TRAF5: variants seen among roughly 807,000 people sequenced by gnomAD.
TRAF5 encodes the protein TNF receptor associated factor 5.
Under a neutral mutation model 64.5 loss-of-function variants are expected in TRAF5, and 48 were observed. The observed-to-expected ratio is 0.74, with a 90% CI of 0.59 to 0.95. The LOEUF (loss-of-function observed/expected upper bound fraction) is 0.95, where lower values mean the gene tolerates loss of function less well. TRAF5 is among the 40% of genes least tolerant of loss of function. TRAF5 has a pLI of 0.00. For synonymous variants in TRAF5, 206 were observed against 240.5 expected (o/e 0.86, Z 1.33); for missense variants, 545 against 662.8 (o/e 0.82, Z 1.95).
chr1:211,371,615 G>A (rs1703525390), intron 10 of TRAF5, 145 bp downstream of exon 10: 1 of 921,782 alleles, frequency 1.1e-6, no homozygotes, highest in African/African-American at 1.8e-5. Flanking sequence ...AGAATGGTAA[G>A]ATTCTGGCCA....
At chr1:211,371,577 C>A in intron 10 of TRAF5, 107 bp downstream of exon 10, 1 of 1,143,742 alleles carries the variant, frequency 8.7e-7, no homozygotes, top group Non-Finnish European at 1.2e-6. Flanking sequence ...CCAGGATAAA[C>A]AATGGCTGAA....
intron 5 of TRAF5, chr1:211,360,345 C>G: frequency 2.0e-6 from 1 of 503,776 alleles, no homozygotes; most frequent in Non-Finnish European, 3.5e-6. Context: ...AAGGAGGTGA[C>G]AATAATGTCT....
At chr1:211,333,000 T>TAACA (rs1172487290) in intron 1 of TRAF5, among the ~76,000 whole-genome samples, 1 of 152,226 alleles carries the variant, frequency 6.6e-6, no homozygotes, top group Non-Finnish European at 1.5e-5. Flanking sequence ...TCTTTGATAC[T>TAACA]AACAGTTCCC....
rs772796027 is a variant in TRAF5 at position 211,372,333 on chromosome 1, C to G, written c.1305C>G (p.Thr435=). 6.2e-7 allele frequency: 1 copy of G among 1,614,106 alleles called. No individual in the cohort carries two copies. The highest frequency in any genetic ancestry group is 8.5e-7 in the Non-Finnish European group (1 of 1,180,026). Residue 435 remains threonine, a synonymous_variant, in exon 11 of 11, where the codon ACC becomes ACG. Coordinates refer to ENST00000261464, the MANE Select transcript of TRAF5 (RefSeq NM_001033910.3). ...TVSIFSQSFY[T]SRCGYRLCAR... ...CCATCTTCAGCCAGTCCTTCTACAC[C>G]AGCCGCTGTGGCTACCGGCTCTGTG... is the stretch of plus-strand genomic sequence containing the variant.
At chr1:211,352,818 T>C (rs1342575993) in intron 1 of TRAF5, among the ~76,000 whole-genome samples, 1 of 152,222 alleles carries the variant, frequency 6.6e-6, no homozygotes, top group African/African-American at 2.4e-5. Context: ...AATATATTTG[T>C]CTGCTTCTAA....
chr1:211,348,121 G>A (rs1379277889), intron 1 of TRAF5, among the ~76,000 whole-genome samples: 7 of 152,158 alleles, frequency 4.6e-5, no homozygotes, highest in Non-Finnish European at 7.4e-5. Context: ...GCACAGAGAT[G>A]TTTCCCTGAA....
chr1:211,372,049 C>T (rs1049133346), intron 10 of TRAF5, 79 bp from the exon 11 acceptor site: 1 of 1,321,114 alleles, frequency 7.6e-7, no homozygotes, highest in Admixed American at 2.4e-5. Flanking sequence ...TTTCAGGTAA[C>T]AAAATTCCAC....
chr1:211,333,787 G>A (rs190081111), intron 1 of TRAF5, among the ~76,000 whole-genome samples: 2 of 152,284 alleles, frequency 1.3e-5, no homozygotes, highest in Admixed American at 6.5e-5. Context: ...ATAAGCCACC[G>A]TACCCGGCCT....
chr1:211,360,405 AAG>A, intron 5 of TRAF5: 1 of 490,608 alleles, frequency 2.0e-6, no homozygotes, highest in Non-Finnish European at 3.6e-6. Context: ...CAGGCATAAA[AAG>A]AAAGCATGGG....
rs960574151 is a variant in TRAF5, at chr1:211,354,614, C to T, written c.276+147C>T. The T allele has an allele frequency of 3.9e-6, 3 of 769,126 alleles. No individual in the cohort carries two copies. The African/African-American group carries it at 5.2e-5, about 13-fold the overall frequency. 47.6% of individuals were successfully genotyped at this position (769,126 alleles called of 1,614,324 possible). ...TTCTGCTGTGGGGTCACATCAGACC[C>T]TACTCGTAGCCCTGTTTGAGAGGCT... On this transcript the variant is annotated intron_variant, in intron 3 of 10. Transcript: ENST00000261464.
At chr1:211,349,024 ACT>A in intron 1 of TRAF5, among the ~76,000 whole-genome samples, 2 of 109,566 alleles carry the variant, frequency 1.8e-5, no homozygotes, top group African/African-American at 7.1e-5. Flanking sequence ...ACATAGTGAG[ACT>A]CTGTCTCTAA....
Position 211,331,872 on chromosome 1 carries a change from G to T in TRAF5, c.-2+4983G>T, listed in dbSNP as rs368383665. Reference sequence around the variant, plus strand: ...AGTAGAGATGGGGTTTCACCATGTTGGGCAGGCTGGTCTCAAACTCCTGAC... The same window carrying T: ...AGTAGAGATGGGGTTTCACCATGTTTGGCAGGCTGGTCTCAAACTCCTGAC... On this transcript the variant is annotated intron_variant, in intron 1 of 10. Transcript: ENST00000261464. 3.9e-5 allele frequency among the ~76,000 whole-genome samples: 6 copies of T among 152,182 alleles called. No individual in the cohort carries two copies. In the East Asian group the frequency reaches 9.6e-4, roughly 24 times the overall value.
At chr1:211,350,558 G>A (rs540711512) in intron 1 of TRAF5, among the ~76,000 whole-genome samples, 111 of 152,294 alleles carry the variant, frequency 7.3e-4, no homozygotes, top group African/African-American at 2.6e-3. Context: ...AAGATGAAGG[G>A]AGATAACCTA....
At position 211,369,592 on chromosome 1, in the gene TRAF5, G is replaced by A. The variant is rs1397971237; in HGVS notation, c.930G>A (p.Gln310=). 6.3e-6 allele frequency: 10 copies of A among 1,584,486 alleles called. No homozygotes were observed. Among genetic ancestry groups the A allele is most frequent in the Non-Finnish European group, 6.8e-6 (8 of 1,169,830 alleles). The part of the protein sequence containing the change: ...GKNGSFLPNI[Q]VFASHIDKSA... ...ATGGAAGCTTCCTCCCAAACATCCA[G>A]GTAAGAAATGGCCTTTGCGTTGAAA... The change falls in exon 9 of 11, where the codon CAG becomes CAA. Residue 310 remains glutamine, a splice_region_variant and synonymous_variant. Transcript: ENST00000261464.
At chr1:211,330,191 G>T (rs550980471) in intron 1 of TRAF5, among the ~76,000 whole-genome samples, 3 of 152,264 alleles carry the variant, frequency 2.0e-5, no homozygotes, top group East Asian at 3.9e-4. Context: ...ACACTGTGCA[G>T]TATCCGTGTG....
chr1:211,360,436 A>T, intron 5 of TRAF5: 1 of 509,772 alleles, frequency 2.0e-6, no homozygotes, highest in Middle Eastern at 5.2e-4. Flanking sequence ...ACATGTCCCG[A>T]AGGAGCTATG....
chr1:211,369,638 TG>T, intron 9 of TRAF5, 46 bp downstream of exon 9: 1 of 1,499,816 alleles, frequency 6.7e-7, no homozygotes, highest in Non-Finnish European at 8.9e-7. Context: ...GGCTTTCAAT[TG>T]CAGTGAGAGT....
At chr1:211,333,327 T>C (rs1235965036) in intron 1 of TRAF5, among the ~76,000 whole-genome samples, 1 of 151,682 alleles carries the variant, frequency 6.6e-6, no homozygotes, top group Non-Finnish European at 1.5e-5. Context: ...TAGCTAGGAT[T>C]ACAGGCGCCT....
At position 211,354,414 on chromosome 1, in the gene TRAF5, T is replaced by C; in HGVS notation, c.223T>C (p.Leu75=). 1 of 1,614,092 alleles carries C rather than the reference T, an allele frequency of 6.2e-7. No individual in the cohort carries two copies. The highest frequency in any genetic ancestry group is 8.5e-7 in the Non-Finnish European group (1 of 1,179,970). ...CATTTTAATTTTTTTCTCCAGAGAA[T>C]TAAACACAGTGCCAATCTGCCCTGT... ...CQHCILSLRE[L]NTVPICPVDK... Residue 75 remains leucine, a synonymous_variant, in exon 3 of 11, where the codon TTA becomes CTA. Coordinates refer to ENST00000261464, the MANE Select transcript of TRAF5 (RefSeq NM_001033910.3).
Sources: gnomAD v4.1 joint callset for allele counts (sites outside exome capture counted in the v4.1 genomes callset) on GRCh38, gnomAD v4.1.1 for gene constraint, MANE v1.5 for transcripts, NCBI Gene and HGNC (gene_info 2026-07-23, HGNC 2026-07-21) for gene names.